Variants in DPF3 observed in about 807,000 individuals in gnomAD.
The protein encoded by DPF3 is double PHD fingers 3.
Under a neutral mutation model 56.8 loss-of-function variants are expected in DPF3, and 18 were observed. The ratio of observed to expected loss-of-function variants is 0.32; its 90% confidence interval spans 0.22 to 0.47. DPF3 has a LOEUF of 0.47. DPF3 is among the 20% of genes least tolerant of loss of function. The probability of loss-of-function intolerance (pLI) is 1.00; values close to 1 mark genes in which losing one functional copy is unlikely to be tolerated. For missense variants in DPF3, 403 were observed against 488.8 expected, an observed-to-expected ratio of 0.82 and a Z score of 1.65; for synonymous variants, 188 against 180.2, an observed-to-expected ratio of 1.04 and a Z score of -0.35.
intron 1 of DPF3, among the ~76,000 whole-genome samples, chr14:72,859,496 C>T (rs1335942645): frequency 7.8e-6 from 1 of 127,880 alleles, no homozygotes; most frequent in Non-Finnish European, 1.6e-5. Context: ...ACCATTCCCC[C>T]CTAACCTTCT....
rs1301076561 is a variant in DPF3 at position 72,629,645 on chromosome 14, G to A, written c.963C>T (p.Leu321=). 2.0e-6 allele frequency: 3 copies of A among 1,536,058 alleles called. No homozygotes were observed. The South Asian group carries it at 3.6e-5, about 18-fold the overall frequency. ...WQCIECKSCI[L]CGTSENDDQL... is the part of the protein sequence containing the mutation. ...TCACATCATTCTCTGAGGTCCCACA[G>A]AGGATACAGGATTTGCACTCTATGC... is the stretch of plus-strand genomic sequence containing the variant. Residue 321 remains leucine (L), a synonymous_variant, in exon 9 of 11, where the codon CTC becomes CTT. Transcript: ENST00000556509.
Position 72,617,604 on chromosome 14 carries a change from C to T in DPF3, c.*1693G>A, listed in dbSNP as rs573196684. ...GCCCCTGCAGGAGAGTGACCCCCATCGCTTGCCACAGGTCACTCTGCTGAA... is the reference window on the plus strand; with the variant it reads ...GCCCCTGCAGGAGAGTGACCCCCATTGCTTGCCACAGGTCACTCTGCTGAA... On this transcript the variant is annotated 3_prime_UTR_variant, in exon 11 of 11. Coordinates refer to ENST00000556509, the MANE Select transcript of DPF3 (RefSeq NM_001280542.3). Among the ~76,000 whole-genome samples the T allele has an allele frequency of 1.9e-3, 282 of 152,336 alleles. No homozygotes were observed. The highest frequency in any genetic ancestry group is 6.5e-3 in the African/African-American group (272 of 41,574).
intron 1 of DPF3, among the ~76,000 whole-genome samples, chr14:72,866,844 G>A (rs889135835): frequency 6.7e-6 from 1 of 149,892 alleles, no homozygotes; most frequent in Non-Finnish European, 1.5e-5. Context: ...CAACAAGAGC[G>A]AAACTCCATC....
chr14:72,784,028 T>G (rs1363443548), intron 1 of DPF3, among the ~76,000 whole-genome samples: 2 of 152,214 alleles, frequency 1.3e-5, no homozygotes, highest in Non-Finnish European at 2.9e-5. Flanking sequence ...TCTGCCCTCC[T>G]GTCAGAGTTG....
At chr14:72,733,593 C>T (rs1416857304) in intron 3 of DPF3, among the ~76,000 whole-genome samples, 1 of 152,200 alleles carries the variant, frequency 6.6e-6, no homozygotes, top group Non-Finnish European at 1.5e-5. Context: ...CATCCTCCAT[C>T]AGCCTGCTGC....
At chr14:72,771,074 G>A (rs1468572736) in intron 2 of DPF3, among the ~76,000 whole-genome samples, 1 of 151,896 alleles carries the variant, frequency 6.6e-6, no homozygotes, top group Non-Finnish European at 1.5e-5. Flanking sequence ...GACTCAGGAG[G>A]CTGAAGCATG....
intron 3 of DPF3, among the ~76,000 whole-genome samples, chr14:72,749,843 GT>G (rs1890488826): frequency 7.3e-6 from 1 of 137,624 alleles, no homozygotes; most frequent in African/African-American, 2.8e-5. Context: ...GTGAGACCCT[GT>G]TTAAAAAAAA....
At chr14:72,850,907 A>T (rs1884958708) in intron 1 of DPF3, among the ~76,000 whole-genome samples, 1 of 152,214 alleles carries the variant, frequency 6.6e-6, no homozygotes, top group South Asian at 2.1e-4. Context: ...CTTCCCAGAC[A>T]GGTGAGAAGT....
intron 1 of DPF3, among the ~76,000 whole-genome samples, chr14:72,829,577 G>C (rs1451826573): frequency 6.6e-6 from 1 of 151,836 alleles, no homozygotes; most frequent in Non-Finnish European, 1.5e-5. Context: ...GTAGAGACAG[G>C]GTTTCACCAT....
At chr14:72,789,406 G>A (rs537464701) in intron 1 of DPF3, among the ~76,000 whole-genome samples, 108 of 152,344 alleles carry the variant, frequency 7.1e-4, no homozygotes, top group African/African-American at 1.5e-3. Flanking sequence ...TTGTTTCAGA[G>A]TCTGGGCTCT....
intron 8 of DPF3, among the ~76,000 whole-genome samples, chr14:72,658,059 C>T (rs1269163133): frequency 6.6e-6 from 1 of 152,178 alleles, no homozygotes; most frequent in Non-Finnish European, 1.5e-5. Context: ...AAATAAGATG[C>T]ATACAAAACA....
chr14:72,798,436 A>T (rs1383538389), intron 1 of DPF3, among the ~76,000 whole-genome samples: 1 of 152,136 alleles, frequency 6.6e-6, no homozygotes, highest in African/African-American at 2.4e-5. Flanking sequence ...ATACATACAT[A>T]CATGTATGAA....
chr14:72,792,131 C>T (rs1427852213), intron 1 of DPF3, among the ~76,000 whole-genome samples: 1 of 151,322 alleles, frequency 6.6e-6, no homozygotes, highest in Non-Finnish European at 1.5e-5. Context: ...TCCTGCAGAG[C>T]CAGCCAGGAG....
chr14:72,655,559 T>C (rs972924139), intron 8 of DPF3, among the ~76,000 whole-genome samples: 13 of 152,236 alleles, frequency 8.5e-5, no homozygotes, highest in Admixed American at 7.9e-4. Context: ...CTTTTGGCCT[T>C]ACTGTTCTTA....
At chr14:72,659,203 C>T (rs1230994784) in intron 8 of DPF3, among the ~76,000 whole-genome samples, 6 of 152,166 alleles carry the variant, frequency 3.9e-5, no homozygotes, top group African/African-American at 1.4e-4. Flanking sequence ...TATGTCACAC[C>T]TGCCCTGCTT....
chr14:72,814,266 G>A (rs902471336), intron 1 of DPF3, among the ~76,000 whole-genome samples: 3 of 152,052 alleles, frequency 2.0e-5, no homozygotes, highest in African/African-American at 7.3e-5. Flanking sequence ...ACCCTTCTTT[G>A]AAAGCCCATA....
intron 7 of DPF3, among the ~76,000 whole-genome samples, chr14:72,690,120 C>T (rs572392420): frequency 1.3e-5 from 2 of 152,276 alleles, no homozygotes; most frequent in African/African-American, 4.8e-5. Flanking sequence ...CACTCACTGA[C>T]AAGCCCACAG....
intron 8 of DPF3, among the ~76,000 whole-genome samples, chr14:72,658,391 T>G (rs545687424): frequency 8.7e-4 from 132 of 152,308 alleles, no homozygotes; most frequent in African/African-American, 3.0e-3. Context: ...AAGGAAGTTC[T>G]GAAACTGATG....
chr14:72,854,425 C>T (rs939246728), intron 1 of DPF3, among the ~76,000 whole-genome samples: 1 of 152,098 alleles, frequency 6.6e-6, no homozygotes, highest in Non-Finnish European at 1.5e-5. Context: ...TTTTCATGGG[C>T]CATCAACTTC....
Sources: allele counts gnomAD v4.1 joint callset (sites outside exome capture counted in the v4.1 genomes callset), GRCh38; gene constraint gnomAD v4.1.1; transcripts MANE v1.5; gene names NCBI Gene and HGNC (gene_info 2026-07-23, HGNC 2026-07-21).